Variants in DCLK2 observed in about 807,000 individuals in gnomAD.
DCLK2 encodes doublecortin like kinase 2, also known as serine/threonine-protein kinase DCLK2.
A neutral mutation model predicts 78.4 loss-of-function variants in DCLK2; 31 were observed. The observed-to-expected ratio is 0.40, with a 90% CI of 0.30 to 0.53. DCLK2 has a LOEUF of 0.53. DCLK2 is among the 20% of genes least tolerant of loss of function. The probability of loss-of-function intolerance (pLI) is 0.61; values close to 1 mark genes in which losing one functional copy is unlikely to be tolerated. For synonymous variants in DCLK2, 407 were observed against 374.9 expected (o/e 1.09, Z -0.99); for missense variants, 872 against 973.7 (o/e 0.90, Z 1.39).
intron 2 of DCLK2, among the ~76,000 whole-genome samples, chr4:150,186,568 T>C (rs1443252891): frequency 6.6e-6 from 1 of 152,246 alleles, no homozygotes; most frequent in Non-Finnish European, 1.5e-5. Context: ...TATTTATGCC[T>C]GGCATATTAT....
At chr4:150,233,098 T>C (rs944458109) in intron 10 of DCLK2, among the ~76,000 whole-genome samples, 8 of 152,204 alleles carry the variant, frequency 5.3e-5, no homozygotes, top group Non-Finnish European at 1.2e-4. Context: ...GAGGTTTGAT[T>C]GACTCACAGT....
chr4:150,173,720 T>G (rs1035854743), intron 2 of DCLK2, among the ~76,000 whole-genome samples: 2 of 152,142 alleles, frequency 1.3e-5, no homozygotes, highest in Non-Finnish European at 2.9e-5. Context: ...ACTGGGAAAC[T>G]GACAGCTGCA....
intron 2 of DCLK2, among the ~76,000 whole-genome samples, chr4:150,133,241 C>T (rs1733453130): frequency 6.6e-6 from 1 of 152,156 alleles, no homozygotes. Context: ...CACGTGTTTA[C>T]CATATGAGAA....
chr4:150,196,918 C>T (rs182239044), intron 3 of DCLK2, among the ~76,000 whole-genome samples: 50 of 152,236 alleles, frequency 3.3e-4, no homozygotes, highest in African/African-American at 1.1e-3. Context: ...TTTTGGGAGG[C>T]CGAGGCCAGC....
intron 1 of DCLK2, among the ~76,000 whole-genome samples, chr4:150,097,248 C>T (rs375861040): frequency 7.9e-5 from 12 of 151,446 alleles, no homozygotes; most frequent in Admixed American, 3.9e-4. Flanking sequence ...CTGCAACCTC[C>T]GCCTTCTGGG....
At chr4:150,086,275 A>T (rs1729630676) in intron 1 of DCLK2, among the ~76,000 whole-genome samples, 1 of 152,170 alleles carries the variant, frequency 6.6e-6, no homozygotes, top group South Asian at 2.1e-4. Flanking sequence ...ACCTTTATTT[A>T]TTAAGATAGC....
intron 2 of DCLK2, among the ~76,000 whole-genome samples, chr4:150,107,619 A>C (rs565102757): frequency 1.3e-5 from 2 of 152,102 alleles, no homozygotes; most frequent in African/African-American, 4.8e-5. Flanking sequence ...CAAGCGATCC[A>C]CTTACCTTGG....
chr4:150,247,623 A>G lies in DCLK2; in HGVS notation c.1799A>G (p.Asp600Gly), dbSNP rs35844734. The G allele has an allele frequency of 7.4e-6, 12 of 1,614,004 alleles. No homozygotes were observed. The highest frequency in any genetic ancestry group is 1.0e-5 in the Non-Finnish European group (12 of 1,179,982). The change falls in exon 13 of 16, where the codon GAT (aspartate) becomes GGT (glycine). Residue 600 changes from aspartate (D) to glycine (G), a missense_variant. Coordinates refer to ENST00000296550, the MANE Select transcript of DCLK2 (RefSeq NM_001040260.4). ...CTTAGTGAGAACAATCTCCAGGAAG[A>G]TCTCTTCGACCAGATCTTGGCTGGG... Reference protein sequence around the residue: ...PFRSENNLQEDLFDQILAGKL... With the variant: ...PFRSENNLQEGLFDQILAGKL...
At chr4:150,181,065 A>AT (rs1255805513) in intron 2 of DCLK2, among the ~76,000 whole-genome samples, 3 of 152,076 alleles carry the variant, frequency 2.0e-5, no homozygotes, top group Admixed American at 6.6e-5. Flanking sequence ...GTCCAATTAT[A>AT]TTTCTACATG....
intron 2 of DCLK2, among the ~76,000 whole-genome samples, chr4:150,137,253 C>G (rs1733760355): frequency 6.6e-6 from 1 of 152,112 alleles, no homozygotes; most frequent in South Asian, 2.1e-4. Flanking sequence ...TCTGGGGCAG[C>G]TTCCCTCCAC....
In DCLK2 at chr4:150,249,925, C is replaced by T. The variant is rs569065720; in HGVS notation, c.2073+241C>T. 6.4e-4 allele frequency among the ~76,000 whole-genome samples: 98 copies of T among 152,268 alleles called. 2 individuals carry two copies. The highest frequency in any genetic ancestry group is 2.3e-3 in the African/African-American group (95 of 41,564). On this transcript the variant is annotated intron_variant, in intron 15 of 15. Coordinates refer to ENST00000296550, the MANE Select transcript of DCLK2 (RefSeq NM_001040260.4). ...GAGGGGTCCAGGCGTCAAGGAGCTC[C>T]TGGCTGGGCCCTCTGGGCAGCTGCT...
intron 3 of DCLK2, among the ~76,000 whole-genome samples, chr4:150,196,131 T>G (rs1055485286): frequency 6.6e-6 from 1 of 152,172 alleles, no homozygotes; most frequent in Non-Finnish European, 1.5e-5. Context: ...GCTTTTAGGC[T>G]TCTAATAACA....
At chr4:150,195,919 T>C (rs1245239447) in intron 3 of DCLK2, among the ~76,000 whole-genome samples, 3 of 152,128 alleles carry the variant, frequency 2.0e-5, no homozygotes, top group African/African-American at 2.4e-5. Flanking sequence ...GCCTGTCACA[T>C]AGTAATATGC....
intron 15 of DCLK2, chr4:150,253,535 G>T (rs1325864569): frequency 7.8e-7 from 1 of 1,289,540 alleles, no homozygotes; most frequent in Non-Finnish European, 1.0e-6. Context: ...GAGACAGTGG[G>T]AGAGCCTGAA....
At chr4:150,091,769 A>ATGTGTGTGTG (rs57146406) in intron 1 of DCLK2, among the ~76,000 whole-genome samples, 16 of 117,020 alleles carry the variant, frequency 1.4e-4, no homozygotes, top group East Asian at 2.3e-4. Flanking sequence ...AGGAACATTT[A>ATGTGTGTGTG]TGTGTGTGTG....
chr4:150,129,213 A>G (rs1733122940), intron 2 of DCLK2, among the ~76,000 whole-genome samples: 1 of 152,134 alleles, frequency 6.6e-6, no homozygotes, highest in African/African-American at 2.4e-5. Flanking sequence ...GAATACAAAC[A>G]TGCTTTTTGG....
intron 4 of DCLK2, chr4:150,199,145 T>G: frequency 7.2e-7 from 1 of 1,386,044 alleles, no homozygotes; most frequent in Non-Finnish European, 9.9e-7. Context: ...GCCACTTTTC[T>G]GTTTCCTTTT....
At chr4:150,248,629 G>A (rs771507276) in intron 14 of DCLK2, among the ~76,000 whole-genome samples, 22 of 152,190 alleles carry the variant, frequency 1.4e-4, no homozygotes, top group Non-Finnish European at 2.6e-4. Context: ...CTTGGCCCCA[G>A]TTTCCTTATC....
At chr4:150,215,957 A>G (rs1286324826) in intron 5 of DCLK2, among the ~76,000 whole-genome samples, 1 of 152,216 alleles carries the variant, frequency 6.6e-6, no homozygotes, top group East Asian at 1.9e-4. Flanking sequence ...CAACATTATA[A>G]CAAGGACTGT....
Sources: gnomAD v4.1 joint callset for allele counts (sites outside exome capture counted in the v4.1 genomes callset) on GRCh38, gnomAD v4.1.1 for gene constraint, MANE v1.5 for transcripts, NCBI Gene and HGNC (gene_info 2026-07-23, HGNC 2026-07-21) for gene names.